Variants in VPS13C observed in about 807,000 individuals in gnomAD.
VPS13C encodes intermembrane lipid transfer protein VPS13C.
In VPS13C, 358 loss-of-function variants were observed where a neutral mutation model predicts 456.8. The ratio of observed to expected loss-of-function variants is 0.78; its 90% CI spans 0.72 to 0.86. VPS13C has a LOEUF of 0.86. Ranked by LOEUF, VPS13C falls within the 40% of genes least tolerant of loss-of-function variation. The pLI, the probability that VPS13C is intolerant of heterozygous loss-of-function variation, is 0.00. For missense variants in VPS13C, 4,818 were observed against 4,385.4 expected (o/e 1.10, Z -2.79); for synonymous variants, 1,578 against 1,486.7 (o/e 1.06, Z -1.41).
chr15:61,859,689 T>C (rs984618020), intron 82 of VPS13C, among the ~76,000 whole-genome samples: 4 of 152,156 alleles, frequency 2.6e-5, no homozygotes, highest in African/African-American at 7.2e-5. Context: ...GTTTTCCCTA[T>C]GTCCTCAGAG....
At chr15:62,021,336 C>G (rs2047453193) in intron 8 of VPS13C, among the ~76,000 whole-genome samples, 1 of 151,912 alleles carries the variant, frequency 6.6e-6, no homozygotes, top group Non-Finnish European at 1.5e-5. Flanking sequence ...TGAACTATCT[C>G]TTTAAGCCTT....
In VPS13C at chr15:61,969,282, A is replaced by G. The variant is rs376275240; in HGVS notation, c.2911+17T>C. Reference sequence around the variant, plus strand: ...ATCTTTATTATAGGCTATTATTTCTATTTTTATGGGTATTACCTTCAATTT... The same window carrying G: ...ATCTTTATTATAGGCTATTATTTCTGTTTTTATGGGTATTACCTTCAATTT... On this transcript the variant is annotated intron_variant, in intron 28 of 84. Transcript: ENST00000644861. 2.3e-5 allele frequency: 36 copies of G among 1,547,540 alleles called. No individual in the cohort carries two copies. The highest frequency in any genetic ancestry group is 3.1e-5 in the Non-Finnish European group (35 of 1,142,778).
At chr15:62,036,880 G>C (rs1469836330) in intron 3 of VPS13C, among the ~76,000 whole-genome samples, 4 of 151,140 alleles carry the variant, frequency 2.6e-5, no homozygotes, top group Admixed American at 1.3e-4. Context: ...AATATGTCTA[G>C]CTCTTAGAAA....
chr15:62,050,805 C>CA (rs34228451), intron 1 of VPS13C, among the ~76,000 whole-genome samples: 6,157 of 55,322 alleles, frequency 0.11, 258 homozygotes, highest in Non-Finnish European at 0.16. Context: ...GACCCAGTCT[C>CA]AAAAAAAAAA....
At chr15:61,996,522 A>G (rs538632128) in intron 16 of VPS13C, among the ~76,000 whole-genome samples, 126 of 152,300 alleles carry the variant, frequency 8.3e-4, no homozygotes, top group Non-Finnish European at 9.1e-4. Flanking sequence ...AAAGATAATC[A>G]GCAGATGCCA....
At chr15:61,879,693 C>G (rs1895711304) in intron 73 of VPS13C, among the ~76,000 whole-genome samples, 1 of 152,036 alleles carries the variant, frequency 6.6e-6, no homozygotes, top group Non-Finnish European at 1.5e-5. Flanking sequence ...CAGCAACTTT[C>G]ATAATAAGCA....
intron 59 of VPS13C, 122 bp from the exon 60 acceptor site, chr15:61,917,757 C>T: frequency 8.9e-7 from 1 of 1,125,972 alleles, no homozygotes; most frequent in Non-Finnish European, 1.2e-6. Context: ...TACAGATATA[C>T]AGATGAGGAA....
In VPS13C at chr15:61,920,741, T is replaced by G. The variant is rs556156041; in HGVS notation, c.7063-94A>C. Reference sequence around the variant, plus strand: ...TTCAGTTCTCCTAAACTGATCACTTTATAGTAATGCTTCGCAAAAGTCTTA... The same window carrying G: ...TTCAGTTCTCCTAAACTGATCACTTGATAGTAATGCTTCGCAAAAGTCTTA... On this transcript the variant is annotated intron_variant, in intron 55 of 84. Coordinates refer to ENST00000644861, the MANE Select transcript of VPS13C (RefSeq NM_020821.3). 1.2e-5 allele frequency: 14 copies of G among 1,138,942 alleles called. No homozygotes were observed. In the South Asian group the frequency reaches 3.4e-4, roughly 27 times the overall value. The allele number at this position is 1,138,942 out of a possible 1,614,324, so 70.6% of individuals were successfully genotyped here. A position where few individuals can be genotyped will look rare whatever the true frequency, so the allele number is the denominator to read the frequency against.
intron 16 of VPS13C, among the ~76,000 whole-genome samples, chr15:61,993,942 CTATAGTTATTTCAAAG>C (rs1294195535): frequency 6.6e-6 from 1 of 151,514 alleles, no homozygotes; most frequent in Non-Finnish European, 1.5e-5. Context: ...TATTGTAAAC[CTATAGTTATTTCAAAG>C]CATATATATA....
chr15:61,981,949 C>G (rs1340360998), intron 21 of VPS13C, among the ~76,000 whole-genome samples: 3 of 152,010 alleles, frequency 2.0e-5, no homozygotes, highest in African/African-American at 7.2e-5. Flanking sequence ...ATTCTCAATT[C>G]AGCATGTAAG....
At chr15:62,011,851 A>T (rs998897732) in intron 12 of VPS13C, among the ~76,000 whole-genome samples, 1 of 151,972 alleles carries the variant, frequency 6.6e-6, no homozygotes, top group Admixed American at 6.6e-5. Flanking sequence ...AGAAGAATAC[A>T]TGGAATTCAA....
chr15:61,979,185 C>T (rs908674234), intron 22 of VPS13C, among the ~76,000 whole-genome samples: 9 of 152,188 alleles, frequency 5.9e-5, no homozygotes, highest in Admixed American at 4.6e-4. Flanking sequence ...ATTTGTACTG[C>T]CTTTTCCCCC....
In VPS13C at chr15:62,023,744, T is replaced by C. The variant is rs779957120; in HGVS notation, c.514+36A>G. 55 of 1,564,736 alleles carry C rather than the reference T, an allele frequency of 3.5e-5. No homozygotes were observed. In the Middle Eastern group the frequency reaches 2.0e-3, roughly 58 times the overall value. ...ATCAGAAATAAAGTGGCAATGTGTA[T>C]AAACAACACCATGGCATAAAACTAC... On this transcript the variant is annotated intron_variant, in intron 7 of 84. Coordinates refer to ENST00000644861, the MANE Select transcript of VPS13C (RefSeq NM_020821.3).
chr15:62,058,593 GC>G (rs2048879573), intron 1 of VPS13C, among the ~76,000 whole-genome samples: 1 of 152,192 alleles, frequency 6.6e-6, no homozygotes, highest in South Asian at 2.1e-4. Flanking sequence ...AGAAGGATAT[GC>G]ATAGGGTACA....
chr15:61,965,653 C>T (rs1264038400), intron 30 of VPS13C, among the ~76,000 whole-genome samples: 2 of 151,832 alleles, frequency 1.3e-5, no homozygotes, highest in African/African-American at 4.8e-5. Flanking sequence ...TTTTTAGTTA[C>T]CCATAAGTAC....
intron 9 of VPS13C, among the ~76,000 whole-genome samples, chr15:62,017,763 A>G (rs2047310695): frequency 6.6e-6 from 1 of 152,186 alleles, no homozygotes; most frequent in African/African-American, 2.4e-5. Flanking sequence ...TGACTTGGCA[A>G]TGTGGGCTCT....
chr15:61,872,969 A>G (rs17271193), intron 78 of VPS13C, among the ~76,000 whole-genome samples: 50,360 of 151,894 alleles, frequency 0.33, 9,454 homozygotes, highest in Non-Finnish European at 0.4. Context: ...TCTAGTTTCC[A>G]TAGGTACCAT....
At chr15:61,856,138 A>G in intron 83 of VPS13C, 148 bp downstream of exon 83, 1 of 965,182 alleles carries the variant, frequency 1.0e-6, no homozygotes, top group South Asian at 2.1e-5. Flanking sequence ...AAGTACAGTT[A>G]TTCAAATAAA....
intron 31 of VPS13C, 39 bp downstream of exon 31, chr15:61,964,660 A>C: frequency 1.3e-6 from 2 of 1,557,210 alleles, no homozygotes; most frequent in East Asian, 4.5e-5. Flanking sequence ...AGAATTCTAA[A>C]ACCCTTGCTA....
Sources: allele counts gnomAD v4.1 joint callset (sites outside exome capture counted in the v4.1 genomes callset), GRCh38; gene constraint gnomAD v4.1.1; transcripts MANE v1.5; gene names NCBI Gene and HGNC (gene_info 2026-07-23, HGNC 2026-07-21).